HDGFL3: variants seen among roughly 807,000 people sequenced by gnomAD.
HDGFL3 encodes the protein hepatoma-derived growth factor-related protein 3.
Under a neutral mutation model 27.6 loss-of-function variants are expected in HDGFL3, and 6 were observed. That is an observed-to-expected ratio of 0.22 (90% confidence interval 0.12 to 0.43). The LOEUF (loss-of-function observed/expected upper bound fraction) is 0.43. Among genes scored for constraint, HDGFL3 ranks in the 20% least tolerant of loss-of-function variants. HDGFL3 has a pLI of 1.00. For synonymous variants in HDGFL3, 88 were observed against 88.9 expected (o/e 0.99, Z 0.05); for missense variants, 207 against 250.1 (o/e 0.83, Z 1.16).
Position 83,132,496 on chromosome 15 carries a change from C to T in HDGFL3, c.*6774G>A. 1 of 152,112 alleles carries T rather than the reference C, an allele frequency of 6.6e-6. No individual in the cohort carries two copies. Among genetic ancestry groups the T allele is most frequent in the East Asian group, 1.9e-4 (1 of 5,180 alleles). The allele number at this position is 152,112 out of a possible 1,614,324, so 9.4% of individuals were successfully genotyped here. A position where few individuals can be genotyped will look rare whatever the true frequency, so the allele number is the denominator to read the frequency against. On this transcript the variant is annotated 3_prime_UTR_variant, in exon 6 of 6. Coordinates refer to ENST00000299633, the MANE Select transcript of HDGFL3 (RefSeq NM_016073.4). The stretch of plus-strand genomic sequence containing the variant: ...GGTGCTATGTCATGTCTTTTTCTCA[C>T]AAAGAGATATGGAAACTTACGTGTG...
chr15:83,174,914 T>A (rs922935214), intron 1 of HDGFL3, among the ~76,000 whole-genome samples: 2 of 152,218 alleles, frequency 1.3e-5, no homozygotes, highest in Non-Finnish European at 2.9e-5. Context: ...CCTGAAGATA[T>A]GTTCTGTTTG....
At chr15:83,166,306 T>G (rs2037171336) in intron 1 of HDGFL3, among the ~76,000 whole-genome samples, 1 of 152,192 alleles carries the variant, frequency 6.6e-6, no homozygotes, top group Non-Finnish European at 1.5e-5. Flanking sequence ...ATTTCCAGCA[T>G]TCTAAAAAGA....
At chr15:83,112,812 AG>A in exon 4 of HDGFL3, 1 of 1,613,980 alleles carries the variant, frequency 6.2e-7, no homozygotes, top group Non-Finnish European at 8.5e-7. Flanking sequence ...GGACTATTGT[AG>A]GGGTTGCTGC....
intron 4 of HDGFL3, among the ~76,000 whole-genome samples, chr15:83,155,505 T>C (rs1362199278): frequency 6.6e-6 from 1 of 152,182 alleles, no homozygotes; most frequent in African/African-American, 2.4e-5. Flanking sequence ...AAGTCCAAAA[T>C]GCTAAAAGAA....
At chr15:83,125,651 G>T (rs1042907451), downstream of HDGFL3, among the ~76,000 whole-genome samples, 3 of 152,222 alleles carry the variant, frequency 2.0e-5, no homozygotes, top group African/African-American at 4.8e-5. Flanking sequence ...GGGAAGTTTA[G>T]AATTATATTG....
At chr15:83,113,001 T>C (rs2034327028) in exon 4 of HDGFL3, 3 of 991,268 alleles carry the variant, frequency 3.0e-6, no homozygotes, top group Middle Eastern at 2.1e-4. Flanking sequence ...TCTGAGCCCT[T>C]TGGTAACAGT....
At chr15:83,125,806 G>A (rs1040194516), downstream of HDGFL3, among the ~76,000 whole-genome samples, 3 of 152,208 alleles carry the variant, frequency 2.0e-5, no homozygotes, top group African/African-American at 4.8e-5. Context: ...TGTGCAGCAG[G>A]CTGGGTTCAG....
chr15:83,150,362 T>G (rs749727230), intron 5 of HDGFL3, among the ~76,000 whole-genome samples: 3 of 152,104 alleles, frequency 2.0e-5, no homozygotes, highest in Non-Finnish European at 4.4e-5. Flanking sequence ...GAGGACTACT[T>G]ATTAAAGAAA....
chr15:83,190,118 G>A (rs1364352702), intron 1 of HDGFL3, among the ~76,000 whole-genome samples: 1 of 151,412 alleles, frequency 6.6e-6, no homozygotes, highest in Non-Finnish European at 1.5e-5. Flanking sequence ...AGAGTCTGCG[G>A]TAAGAGGATT....
At chr15:83,126,389 T>G (rs568082348), downstream of HDGFL3, among the ~76,000 whole-genome samples, 11 of 152,236 alleles carry the variant, frequency 7.2e-5, no homozygotes, top group Non-Finnish European at 1.6e-4. Flanking sequence ...AAGATGAATT[T>G]GGTGTAGAAA....
At chr15:83,164,367 C>CAAAAAGAAAAAAAAA in intron 1 of HDGFL3, among the ~76,000 whole-genome samples, 1 of 38,380 alleles carries the variant, frequency 2.6e-5, no homozygotes, top group Non-Finnish European at 4.8e-5. Flanking sequence ...TTAGAGTAAC[C>CAAAAAGAAAAAAAAA]AAAAAAAAAA....
chr15:83,147,363 C>T (rs1344693120), intron 5 of HDGFL3, among the ~76,000 whole-genome samples: 1 of 152,016 alleles, frequency 6.6e-6, no homozygotes, highest in Non-Finnish European at 1.5e-5. Flanking sequence ...CCTGGCCCTA[C>T]CTTCTTGCTT....
intron 1 of HDGFL3, among the ~76,000 whole-genome samples, chr15:83,170,725 T>C (rs2037235129): frequency 6.6e-6 from 1 of 152,050 alleles, no homozygotes; most frequent in Admixed American, 6.5e-5. Context: ...CCAGTGAACC[T>C]AATTAAACTA....
At position 83,157,572 on chromosome 15, in the gene HDGFL3, G is replaced by T. The variant is rs11546524; in HGVS notation, c.302C>A (p.Ala101Glu). The change falls in exon 4 of 6, where the codon GCA becomes GAA. Residue 101 changes from alanine to glutamate, a missense_variant and splice_region_variant. Transcript: ENST00000299633. ...TTCTGAAGAGCTCTGTTGCTGAATT[G>T]CCTAAGAAATAATAAAATATTAGCT... is the stretch of plus-strand genomic sequence containing the variant. ...NPGVKFTGYQ[A>E]IQQQSSSETE... 2 of 1,606,946 alleles carry T rather than the reference G, an allele frequency of 1.2e-6. No individual in the cohort carries two copies. The highest frequency in any genetic ancestry group is 1.7e-6 in the Non-Finnish European group (2 of 1,177,676).
chr15:83,175,480 C>T (rs369782194), intron 1 of HDGFL3, among the ~76,000 whole-genome samples: 3 of 152,196 alleles, frequency 2.0e-5, no homozygotes, highest in Admixed American at 6.5e-5. Context: ...CAAGTGGCAA[C>T]AGAACTTTAC....
At chr15:83,158,332 T>C (rs2037058753) in intron 2 of HDGFL3, among the ~76,000 whole-genome samples, 1 of 152,252 alleles carries the variant, frequency 6.6e-6, no homozygotes, top group African/African-American at 2.4e-5. Context: ...ATAAGTAGAA[T>C]TAAATATGTC....
At chr15:83,149,379 G>A (rs1181776607) in intron 5 of HDGFL3, among the ~76,000 whole-genome samples, 1 of 152,202 alleles carries the variant, frequency 6.6e-6, no homozygotes, top group Non-Finnish European at 1.5e-5. Context: ...AACGTAATCA[G>A]TAAAGTTGAA....
At chr15:83,194,181 T>A (rs911625714) in intron 1 of HDGFL3, among the ~76,000 whole-genome samples, 1 of 152,204 alleles carries the variant, frequency 6.6e-6, no homozygotes, top group Non-Finnish European at 1.5e-5. Flanking sequence ...TATCCATCAG[T>A]GGATGAATAA....
At chr15:83,167,563 A>AG (rs1491556247) in intron 1 of HDGFL3, among the ~76,000 whole-genome samples, 38 of 88,746 alleles carry the variant, frequency 4.3e-4, no homozygotes, top group African/African-American at 1.7e-3. Flanking sequence ...CCATCTCAAG[A>AG]AAAAAAAAAA....
Sources: allele counts gnomAD v4.1 joint callset (sites outside exome capture counted in the v4.1 genomes callset), GRCh38; gene constraint gnomAD v4.1.1; transcripts MANE v1.5; gene names NCBI Gene and HGNC (gene_info 2026-07-23, HGNC 2026-07-21).